The following PKHD1 variants were observed in gnomAD, a reference collection of about 807,000 sequenced individuals.
PKHD1 encodes fibrocystin.
PKHD1 carries 291 observed loss-of-function variants against 412.0 expected under a neutral mutation model. That is an observed-to-expected ratio of 0.71 (90% CI 0.64 to 0.78). PKHD1 has a LOEUF of 0.78. Among genes scored for constraint, PKHD1 ranks in the 30% least tolerant of loss-of-function variants. The pLI is 0.00. For synonymous variants in PKHD1, 1,777 were observed against 1,821.5 expected, an observed-to-expected ratio of 0.98 and a Z score of 0.62; for missense variants, 4,825 against 4,950.7, an observed-to-expected ratio of 0.97 and a Z score of 0.76.
chr6:51,824,405 G>A (rs186039710), intron 52 of PKHD1, among the ~76,000 whole-genome samples: 246 of 152,148 alleles, frequency 1.6e-3, no homozygotes, highest in African/African-American at 5.6e-3. Flanking sequence ...TGGGGATGTT[G>A]GTGAGAACAC....
chr6:51,757,170 G>A (rs1787164415), intron 55 of PKHD1, among the ~76,000 whole-genome samples: 2 of 152,068 alleles, frequency 1.3e-5, no homozygotes, highest in African/African-American at 2.4e-5. Flanking sequence ...CCCTGACCTA[G>A]ACAATCTTTT....
chr6:51,887,539 T>G (rs1273489989), intron 43 of PKHD1, among the ~76,000 whole-genome samples: 1 of 152,140 alleles, frequency 6.6e-6, no homozygotes, highest in East Asian at 1.9e-4. Flanking sequence ...GTGAATGGTT[T>G]AGCACTGTCC....
intron 37 of PKHD1, among the ~76,000 whole-genome samples, chr6:51,931,001 A>G (rs1200248650): frequency 6.6e-6 from 1 of 152,220 alleles, no homozygotes; most frequent in Non-Finnish European, 1.5e-5. Flanking sequence ...TGTGTGCCCA[A>G]CACTCTGGAA....
chr6:52,038,826 G>C (rs1163320221), intron 27 of PKHD1, among the ~76,000 whole-genome samples: 4 of 152,084 alleles, frequency 2.6e-5, no homozygotes, highest in Admixed American at 6.6e-5. Flanking sequence ...CATTGGATTA[G>C]GCAATAGTTT....
At chr6:51,898,185 C>A (rs1396566070) in intron 43 of PKHD1, among the ~76,000 whole-genome samples, 1 of 152,182 alleles carries the variant, frequency 6.6e-6, no homozygotes, top group African/African-American at 2.4e-5. Context: ...CTACAGAACT[C>A]TCCACCTCAA....
In PKHD1 at chr6:51,934,227, C is replaced by T; in HGVS notation, c.6004G>A (p.Asp2002Asn). The change falls in exon 37 of 67, where the codon GAC becomes AAC. Residue 2002 changes from aspartate to asparagine, a missense_variant. Physicochemically the swap from Asp to Asn is conservative, Grantham distance 23 (BLOSUM62 1). Transcript: ENST00000371117. ...TGAGCTCTGCCTTGGAAGGGCTTGTCTTCGGATCCAATCCGGAGCTCTCCA... is the reference window on the plus strand; with the variant it reads ...TGAGCTCTGCCTTGGAAGGGCTTGTTTTCGGATCCAATCCGGAGCTCTCCA... ...DGGELRIGSE[D>N]KPFQGRAQIT... The T allele has an allele frequency of 6.2e-7, 1 of 1,613,812 alleles. No individual in the cohort carries two copies. Among genetic ancestry groups the T allele is most frequent in the South Asian group, 1.1e-5 (1 of 91,062 alleles).
intron 53 of PKHD1, among the ~76,000 whole-genome samples, chr6:51,788,022 C>T (rs1471425183): frequency 6.6e-6 from 1 of 152,090 alleles, no homozygotes; most frequent in Non-Finnish European, 1.5e-5. Context: ...AAAGACCAGA[C>T]TTCAAGAGAA....
intron 27 of PKHD1, among the ~76,000 whole-genome samples, chr6:52,040,530 G>A (rs978744034): frequency 1.3e-5 from 2 of 152,048 alleles, no homozygotes; most frequent in Non-Finnish European, 2.9e-5. Flanking sequence ...AGTGAGCTGA[G>A]GGCCATTCAT....
chr6:51,886,727 C>CA (rs1271601631), intron 44 of PKHD1, among the ~76,000 whole-genome samples: 1 of 152,118 alleles, frequency 6.6e-6, no homozygotes, highest in Non-Finnish European at 1.5e-5. Flanking sequence ...TACAGTATGG[C>CA]AAAATGCCAA....
At chr6:52,016,388 C>G (rs936180490) in intron 34 of PKHD1, among the ~76,000 whole-genome samples, 2 of 152,072 alleles carry the variant, frequency 1.3e-5, no homozygotes, top group Non-Finnish European at 2.9e-5. Flanking sequence ...ATAATCCTAG[C>G]ACTTTGGGAG....
At chr6:51,773,911 T>C (rs923283055) in intron 54 of PKHD1, among the ~76,000 whole-genome samples, 2 of 151,754 alleles carry the variant, frequency 1.3e-5, no homozygotes, top group African/African-American at 2.4e-5. Flanking sequence ...TCAGGATAAA[T>C]GGATATAAAA....
chr6:51,945,284 TA>T (rs543777062), intron 36 of PKHD1, among the ~76,000 whole-genome samples: 140 of 152,318 alleles, frequency 9.2e-4, no homozygotes, highest in Non-Finnish European at 1.7e-3. Flanking sequence ...GAGCAAGTGG[TA>T]AAGGCAGGGA....
chr6:51,783,932 T>A (rs1792448739), intron 53 of PKHD1, among the ~76,000 whole-genome samples: 1 of 152,180 alleles, frequency 6.6e-6, no homozygotes, highest in South Asian at 2.1e-4. Context: ...GATGTAGACA[T>A]TTAAGTGTAA....
intron 55 of PKHD1, among the ~76,000 whole-genome samples, chr6:51,758,023 AGAGAGAG>A: frequency 1.5e-5 from 1 of 67,582 alleles, no homozygotes; most frequent in Non-Finnish European, 3.8e-5. Context: ...AAAGAGAGAG[AGAGAGAG>A]AGAGAGAGAG....
chr6:51,729,495 G>A (rs1782990500), intron 60 of PKHD1, among the ~76,000 whole-genome samples: 1 of 152,158 alleles, frequency 6.6e-6, no homozygotes, highest in Non-Finnish European at 1.5e-5. Flanking sequence ...CAAGATAGCA[G>A]AGGGGTAAGA....
intron 55 of PKHD1, among the ~76,000 whole-genome samples, chr6:51,763,296 T>G (rs966708): frequency 0.32 from 48,640 of 151,990 alleles, 9,669 homozygotes; most frequent in East Asian, 0.69. Flanking sequence ...AAATGCTTAG[T>G]AGAGGCCTGA....
Position 51,909,368 on chromosome 6 carries a change from G to C in PKHD1, c.6597C>G (p.Val2199=). 6.2e-7 allele frequency: 1 copy of C among 1,613,466 alleles called. No homozygotes were observed. The highest frequency in any genetic ancestry group is 2.2e-5 in the East Asian group (1 of 44,862). The change falls in exon 40 of 67, where the codon GTC becomes GTG. Residue 2199 remains valine, a synonymous_variant. Transcript: ENST00000371117. ...VQSFPEEPSQ[V]QLKGVQFQVL... Reference sequence around the variant, plus strand: ...CTTGAAACTGCACTCCCTTCAACTGGACCTGGCTGGGCTCTTCTGGGAAGG... The same window carrying C: ...CTTGAAACTGCACTCCCTTCAACTGCACCTGGCTGGGCTCTTCTGGGAAGG...
chr6:52,005,529 AACCC>A (rs1798937476), intron 35 of PKHD1, among the ~76,000 whole-genome samples: 1 of 152,130 alleles, frequency 6.6e-6, no homozygotes. Flanking sequence ...TGAATACCTA[AACCC>A]TGTCCTTCAT....
At chr6:51,884,336 A>T (rs968154918) in intron 45 of PKHD1, among the ~76,000 whole-genome samples, 4 of 152,176 alleles carry the variant, frequency 2.6e-5, no homozygotes, top group African/African-American at 9.7e-5. Context: ...GTTTATAGAT[A>T]TATGGGTTTA....
Sources: gnomAD v4.1 joint callset for allele counts (sites outside exome capture counted in the v4.1 genomes callset) on GRCh38, gnomAD v4.1.1 for gene constraint, MANE v1.5 for transcripts, NCBI Gene and HGNC (gene_info 2026-07-23, HGNC 2026-07-21) for gene names.